The following CTTNBP2 variants were observed in gnomAD, a reference collection of about 807,000 sequenced individuals.
The protein encoded by CTTNBP2 is cortactin binding protein 2.
A neutral mutation model predicts 156.9 loss-of-function variants in CTTNBP2; 108 were observed. That is an observed-to-expected ratio of 0.69 (90% CI 0.59 to 0.81). CTTNBP2 has a LOEUF of 0.81. CTTNBP2 is among the 30% of genes least tolerant of loss of function. The pLI is 0.00. For synonymous variants in CTTNBP2, 767 were observed against 751.8 expected, an observed-to-expected ratio of 1.02 and a Z score of -0.33; for missense variants, 1,924 against 2,035.4, an observed-to-expected ratio of 0.95 and a Z score of 1.05.
intron 8 of CTTNBP2, 62 bp downstream of exon 8, chr7:117,777,449 A>C (rs912642990): frequency 5.8e-6 from 9 of 1,547,284 alleles, no homozygotes; most frequent in Non-Finnish European, 7.0e-6. Context: ...AATCTATAGC[A>C]GACAACTTTG....
chr7:117,751,322 G>T (rs1328771857), intron 12 of CTTNBP2, among the ~76,000 whole-genome samples: 3 of 152,190 alleles, frequency 2.0e-5, no homozygotes, highest in Admixed American at 2.0e-4. Context: ...TGAGGAAAAG[G>T]AACTTCTGTC....
intron 3 of CTTNBP2, among the ~76,000 whole-genome samples, chr7:117,805,052 T>C (rs1325892169): frequency 6.6e-6 from 1 of 152,222 alleles, no homozygotes; most frequent in Non-Finnish European, 1.5e-5. Flanking sequence ...TTTGAATACC[T>C]GACCTTCATG....
chr7:117,835,458 G>T (rs930166876), intron 2 of CTTNBP2, among the ~76,000 whole-genome samples: 7 of 152,184 alleles, frequency 4.6e-5, no homozygotes, highest in Non-Finnish European at 1.0e-4. Context: ...ACCACAGGGG[G>T]TCAACAGTTA....
chr7:117,752,055 C>T (rs1217225860), intron 12 of CTTNBP2, among the ~76,000 whole-genome samples: 1 of 152,172 alleles, frequency 6.6e-6, no homozygotes, highest in African/African-American at 2.4e-5. Context: ...CTAGAGCTGG[C>T]CCTCTGCTAC....
chr7:117,730,226 C>T (rs1378516381), intron 16 of CTTNBP2, among the ~76,000 whole-genome samples: 1 of 152,146 alleles, frequency 6.6e-6, no homozygotes, highest in African/African-American at 2.4e-5. Context: ...GCAAACCCTT[C>T]TTCCTTGACA....
At chr7:117,728,618 G>T (rs1381828576) in intron 16 of CTTNBP2, among the ~76,000 whole-genome samples, 1 of 152,080 alleles carries the variant, frequency 6.6e-6, no homozygotes, top group Non-Finnish European at 1.5e-5. Flanking sequence ...TTTTATTAAG[G>T]TATAATTGAC....
At chr7:117,722,484 G>T (rs995618549) in intron 19 of CTTNBP2, among the ~76,000 whole-genome samples, 1 of 152,044 alleles carries the variant, frequency 6.6e-6, no homozygotes, top group African/African-American at 2.4e-5. Flanking sequence ...AGAAGTTCAT[G>T]CTTCAAAGAA....
intron 14 of CTTNBP2, among the ~76,000 whole-genome samples, chr7:117,738,736 C>T (rs918619255): frequency 6.6e-6 from 1 of 152,060 alleles, no homozygotes; most frequent in Non-Finnish European, 1.5e-5. Context: ...TGAAGCATTG[C>T]TTCTCTGATG....
intron 19 of CTTNBP2, among the ~76,000 whole-genome samples, chr7:117,721,556 C>T (rs1404179517): frequency 6.6e-6 from 1 of 152,190 alleles, no homozygotes; most frequent in East Asian, 1.9e-4. Context: ...TCTAACACTA[C>T]TATGTAATCA....
chr7:117,785,272 G>C (rs1297951428), intron 4 of CTTNBP2, among the ~76,000 whole-genome samples: 1 of 152,176 alleles, frequency 6.6e-6, no homozygotes, highest in Non-Finnish European at 1.5e-5. Context: ...TTAGAAGAGA[G>C]TCTGTTAAGT....
Position 117,791,300 on chromosome 7 carries a change from G to C in CTTNBP2, c.1896C>G (p.Ala632=). ...CAGGCCAGGCACCCACCTGAGACGTGGCCAGGGCTGAAACGGCACAGCCTG... is the reference window on the plus strand; with the variant it reads ...CAGGCCAGGCACCCACCTGAGACGTCGCCAGGGCTGAAACGGCACAGCCTG... ...APAGCAVSAL[A]TSQVGAWPAA... is the part of the protein sequence containing the mutation. Residue 632 remains alanine, a synonymous_variant, in exon 4 of 23, where the codon GCC becomes GCG. Transcript: ENST00000160373. The C allele has an allele frequency of 1.2e-6, 2 of 1,614,164 alleles. No homozygotes were observed. The highest frequency in any genetic ancestry group is 1.7e-6 in the Non-Finnish European group (2 of 1,180,026).
rs1489891291 is a variant in CTTNBP2, at chr7:117,791,418, T to C, written c.1778A>G (p.Gln593Arg). ...CTCCTCATTGATCACCCTGTTCCCT[T>C]GTGGCAAACTGGAAGGAGTCGAAGC... ...TVASTPSSLP[Q>R]GNRVINEENL... The change falls in exon 4 of 23, where the codon CAA becomes CGA. Residue 593 changes from glutamine (Q) to arginine (R), a missense_variant. By Grantham distance (43) the Gln-to-Arg change is conservative (BLOSUM62 1). Coordinates refer to ENST00000160373, the MANE Select transcript of CTTNBP2 (RefSeq NM_033427.3). 4 of 1,614,072 alleles carry C rather than the reference T, an allele frequency of 2.5e-6. No homozygotes were observed. Among genetic ancestry groups the C allele is most frequent in the African/African-American group, 1.3e-5 (1 of 74,918 alleles).
At chr7:117,763,618 T>G (rs1797328539) in intron 9 of CTTNBP2, among the ~76,000 whole-genome samples, 1 of 147,230 alleles carries the variant, frequency 6.8e-6, no homozygotes, top group Non-Finnish European at 1.5e-5. Context: ...TGGAGGGCAG[T>G]GGTGCCACCT....
chr7:117,734,462 C>T (rs1026456662), intron 16 of CTTNBP2, among the ~76,000 whole-genome samples: 8 of 152,164 alleles, frequency 5.3e-5, no homozygotes, highest in African/African-American at 1.9e-4. Context: ...GTGAAAGTCA[C>T]TAAAAGTTAT....
In CTTNBP2 at chr7:117,745,841, G is replaced by T. The variant is rs1428453789; in HGVS notation, c.3525C>A (p.Phe1175Leu). The change falls in exon 14 of 23, where the codon TTC becomes TTA. Residue 1175 changes from phenylalanine to leucine, a missense_variant. Transcript: ENST00000160373. ...GFSKEQLLDL[F>L]ISSACLIPVK... The stretch of plus-strand genomic sequence containing the variant: ...CTGAAATGTTCTTACCGCTACTAAT[G>T]AACAGGTCTAGTAGCTGTTCCTTGG... 1 of 1,610,204 alleles carries T rather than the reference G, an allele frequency of 6.2e-7. No homozygotes were observed. Among genetic ancestry groups the T allele is most frequent in the African/African-American group, 1.3e-5 (1 of 74,866 alleles).
chr7:117,748,624 C>T (rs952210368), intron 12 of CTTNBP2, among the ~76,000 whole-genome samples: 15 of 152,168 alleles, frequency 9.9e-5, no homozygotes, highest in African/African-American at 3.6e-4. Flanking sequence ...TTCAATTGTT[C>T]TTATAGTTCC....
chr7:117,777,015 C>A (rs1331172071), intron 8 of CTTNBP2, among the ~76,000 whole-genome samples: 1 of 152,158 alleles, frequency 6.6e-6, no homozygotes, highest in Non-Finnish European at 1.5e-5. Context: ...TATACTGTTT[C>A]TTTAATATTC....
intron 4 of CTTNBP2, among the ~76,000 whole-genome samples, chr7:117,787,266 C>G (rs1327378912): frequency 6.6e-6 from 1 of 152,154 alleles, no homozygotes; most frequent in Non-Finnish European, 1.5e-5. Context: ...AGCAAAAGGT[C>G]AATCAGTTTT....
chr7:117,830,378 C>T (rs1262593629), intron 2 of CTTNBP2, among the ~76,000 whole-genome samples: 1 of 152,110 alleles, frequency 6.6e-6, no homozygotes, highest in Non-Finnish European at 1.5e-5. Context: ...ATGGAGACCT[C>T]CTAAGGTCAA....
Sources: allele counts gnomAD v4.1 joint callset (sites outside exome capture counted in the v4.1 genomes callset), GRCh38; gene constraint gnomAD v4.1.1; transcripts MANE v1.5; gene names NCBI Gene and HGNC (gene_info 2026-07-23, HGNC 2026-07-21).